DISC1: variants seen among roughly 807,000 people sequenced by gnomAD.
The protein encoded by DISC1 is DISC1 scaffold protein.
In DISC1, 57 loss-of-function variants were observed where a neutral mutation model predicts 84.5. The ratio of observed to expected loss-of-function variants is 0.67; its 90% CI spans 0.55 to 0.84. The LOEUF is 0.84. Ranked by LOEUF, DISC1 falls within the 40% of genes least tolerant of loss-of-function variation. The probability of loss-of-function intolerance (pLI) is 0.00; values close to 1 mark genes in which losing one functional copy is unlikely to be tolerated. For missense variants in DISC1, 1,000 were observed against 1,057.8 expected (o/e 0.95, Z 0.76); for synonymous variants, 411 against 415.2 (o/e 0.99, Z 0.12).
At chr1:231,935,469 C>T (rs917993397) in intron 9 of DISC1, among the ~76,000 whole-genome samples, 8 of 152,112 alleles carry the variant, frequency 5.3e-5, no homozygotes, top group African/African-American at 1.9e-4. Flanking sequence ...TTGTCCTCTA[C>T]GCGTGATATA....
At chr1:231,892,955 A>C (rs1251512063) in intron 9 of DISC1, among the ~76,000 whole-genome samples, 1 of 152,148 alleles carries the variant, frequency 6.6e-6, no homozygotes, top group African/African-American at 2.4e-5. Context: ...TGTGGTCAGG[A>C]GTTCAAGACT....
chr1:231,642,039 C>G (rs1036576169), intron 1 of DISC1, among the ~76,000 whole-genome samples: 4 of 152,310 alleles, frequency 2.6e-5, no homozygotes, highest in African/African-American at 9.6e-5. Context: ...CACAGGAGCC[C>G]ACGAAGGGCG....
chr1:231,932,783 G>A (rs1330244448), intron 9 of DISC1, among the ~76,000 whole-genome samples: 2 of 152,114 alleles, frequency 1.3e-5, no homozygotes, highest in Non-Finnish European at 2.9e-5. Flanking sequence ...ATTTAAAATT[G>A]AATAATGTAT....
In DISC1 at chr1:231,693,813, C is replaced by A; in HGVS notation, c.68-13C>A. ...CTGCATGTTTATGGTGCTGTTTTTT[C>A]TTTTCTTCCCAGGCAGCCGGGATTG... On this transcript the variant is annotated splice_polypyrimidine_tract_variant and intron_variant, in intron 1 of 12. Transcript: ENST00000439617. 1.2e-6 allele frequency: 2 copies of A among 1,612,772 alleles called. No homozygotes were observed. Among genetic ancestry groups the A allele is most frequent in the Non-Finnish European group, 1.7e-6 (2 of 1,180,024 alleles).
chr1:231,731,790 C>T (rs1016093003), intron 3 of DISC1, among the ~76,000 whole-genome samples: 3 of 152,144 alleles, frequency 2.0e-5, no homozygotes, highest in Non-Finnish European at 2.9e-5. Flanking sequence ...ACTTATAAAG[C>T]GTCTTTAAGT....
At chr1:232,017,649 C>T (rs958186656) in intron 11 of DISC1, among the ~76,000 whole-genome samples, 3 of 152,006 alleles carry the variant, frequency 2.0e-5, no homozygotes, top group African/African-American at 7.3e-5. Context: ...CAAAGAGTAC[C>T]GTATCCAAGG....
chr1:231,656,934 G>T (rs569228174), intron 1 of DISC1, among the ~76,000 whole-genome samples: 2 of 152,044 alleles, frequency 1.3e-5, no homozygotes, highest in Non-Finnish European at 2.9e-5. Context: ...TTCCAACTCC[G>T]ACTCCATCCA....
At chr1:232,000,725 AAATTTCAAT>A (rs1339846469) in intron 10 of DISC1, among the ~76,000 whole-genome samples, 6 of 152,218 alleles carry the variant, frequency 3.9e-5, no homozygotes, top group African/African-American at 1.4e-4. Context: ...TAGGGAAACA[AAATTTCAAT>A]AACAGTGAAT....
At position 231,645,413 on chromosome 1, in the gene DISC1, G is replaced by A. The variant is rs139670795; in HGVS notation, c.67+18479G>A. Among the ~76,000 whole-genome samples the A allele has an allele frequency of 5.0e-3, 759 of 151,942 alleles. 4 individuals are homozygous for A. The highest frequency in any genetic ancestry group is 6.8e-3 in the Non-Finnish European group (461 of 67,968). On this transcript the variant is annotated intron_variant, in intron 1 of 12. Transcript: ENST00000439617. ...ACCTTCATTGCACTGCCCTCTCCTC[G>A]CCTCCCAAATGATAATATCCAGCTT... is the stretch of plus-strand genomic sequence containing the variant.
chr1:232,030,126 T>C (rs914793503), intron 12 of DISC1, among the ~76,000 whole-genome samples: 3 of 152,178 alleles, frequency 2.0e-5, no homozygotes, highest in African/African-American at 7.2e-5. Context: ...GCCTAGTGCC[T>C]GAGAAGGGGA....
intron 9 of DISC1, among the ~76,000 whole-genome samples, chr1:231,920,376 A>G (rs150020426): frequency 1.3e-5 from 2 of 152,256 alleles, no homozygotes; most frequent in African/African-American, 4.8e-5. Context: ...GAACTTTCTT[A>G]TCTTTGCTAG....
chr1:231,698,485 C>G lies in DISC1; in HGVS notation c.1048-3470C>G, dbSNP rs776740639. 1.1e-4 allele frequency among the ~76,000 whole-genome samples: 17 copies of G among 152,122 alleles called. No homozygotes were observed. The East Asian group carries it at 3.1e-3, about 28-fold the overall frequency. Reference sequence around the variant, plus strand: ...GGAAACTGGTGAAAAATGAAGGACTCTGCCTGTAGAGTATTATAGGACGTT... The same window carrying G: ...GGAAACTGGTGAAAAATGAAGGACTGTGCCTGTAGAGTATTATAGGACGTT... On this transcript the variant is annotated intron_variant, in intron 2 of 12. Transcript: ENST00000439617. This position sits in a 1 kb window ranked among gnomAD's most constrained non-coding sequence, Gnocchi z 4.9.
chr1:232,018,895 G>T (rs1350201253), intron 11 of DISC1, among the ~76,000 whole-genome samples: 2 of 152,164 alleles, frequency 1.3e-5, no homozygotes, highest in Admixed American at 6.5e-5. Context: ...TGAGGCAAAG[G>T]CATGTGCTCA....
chr1:231,765,910 C>G (rs1222557102), intron 4 of DISC1, among the ~76,000 whole-genome samples: 1 of 152,000 alleles, frequency 6.6e-6, no homozygotes, highest in Non-Finnish European at 1.5e-5. Context: ...GAATTTGGCC[C>G]TGTTTGGATA....
chr1:231,762,575 T>C (rs1445743778), intron 4 of DISC1, among the ~76,000 whole-genome samples: 2 of 148,192 alleles, frequency 1.3e-5, no homozygotes, highest in African/African-American at 4.9e-5. Flanking sequence ...GGACTAGAAC[T>C]CCTGGGCTCA....
At chr1:231,935,458 A>G (rs2126117162) in intron 9 of DISC1, among the ~76,000 whole-genome samples, 1 of 152,290 alleles carries the variant, frequency 6.6e-6, no homozygotes, top group African/African-American at 2.4e-5. Flanking sequence ...AAATGTACAT[A>G]TTGTCCTCTA....
In DISC1 at chr1:232,036,721, A is replaced by G; in HGVS notation, c.2455A>G (p.Lys819Glu). The G allele has an allele frequency of 6.2e-7, 1 of 1,604,854 alleles. No individual in the cohort carries two copies. The highest frequency in any genetic ancestry group is 8.5e-7 in the Non-Finnish European group (1 of 1,172,980). ...QSLRRELQMVKETLQAMILQL... is the reference protein window; with the variant it reads ...QSLRRELQMVEETLQAMILQL... ...TCTCAGGAGGGAGCTCCAGATGGTG[A>G]AGGAAACTCTGCAGGCCATGATCCT... Residue 819 changes from lysine to glutamate, a missense_variant, in exon 13 of 13, where the codon AAG becomes GAG. By Grantham distance (56) the Lys-to-Glu change is moderately conservative (BLOSUM62 1). Around this residue, in one of 3 missense-constraint regions of DISC1, gnomAD observed 397 missense variants for 377.5 expected, o/e 1.05. Transcript: ENST00000439617.
At chr1:231,901,611 C>T (rs886944374) in intron 9 of DISC1, among the ~76,000 whole-genome samples, 12 of 152,228 alleles carry the variant, frequency 7.9e-5, no homozygotes, top group Admixed American at 7.9e-4. Context: ...GTATGGCACA[C>T]TGCAGACACT....
At chr1:231,680,411 C>A (rs201646543) in intron 1 of DISC1, among the ~76,000 whole-genome samples, 3 of 151,302 alleles carry the variant, frequency 2.0e-5, no homozygotes, top group African/African-American at 7.4e-5. Flanking sequence ...TCAGCACCTG[C>A]CCCCGTGCAT....
Sources: gnomAD v4.1 joint callset for allele counts (sites outside exome capture counted in the v4.1 genomes callset) on GRCh38, gnomAD v4.1.1 for gene constraint, gnomAD v4.1.1 regional missense constraint, Gnocchi (gnomAD v3.1) non-coding constraint, MANE v1.5 for transcripts, NCBI Gene and HGNC (gene_info 2026-07-23, HGNC 2026-07-21) for gene names.